CHRNB4: variants seen among roughly 807,000 people sequenced by gnomAD.
CHRNB4 encodes cholinergic receptor nicotinic beta 4 subunit, also known as neuronal acetylcholine receptor subunit beta-4.
Under a neutral mutation model 40.4 loss-of-function variants are expected in CHRNB4, and 23 were observed. That is an observed-to-expected ratio of 0.57 (90% CI 0.41 to 0.81). The LOEUF is 0.81. CHRNB4 is among the 30% of genes least tolerant of loss of function. CHRNB4 has a pLI of 0.00. For missense variants in CHRNB4, 568 were observed against 670.6 expected, an observed-to-expected ratio of 0.85 and a Z score of 1.69; for synonymous variants, 285 against 274.4, an observed-to-expected ratio of 1.04 and a Z score of -0.38.
At chr15:78,627,198 T>C (rs2053677728) in intron 5 of CHRNB4, 2 of 152,168 alleles carry the variant, frequency 1.3e-5, no homozygotes, top group African/African-American at 4.8e-5. Context: ...ACCTAAGTAA[T>C]AGCGTGATCG....
chr15:78,637,422 G>C (rs2053975276), intron 1 of CHRNB4, among the ~76,000 whole-genome samples: 1 of 152,030 alleles, frequency 6.6e-6, no homozygotes, highest in African/African-American at 2.4e-5. Context: ...GAGGAAAAGA[G>C]ATGAGAATGA....
At chr15:78,650,296 G>T (rs78332053) in intron 6 of CHRNB4, among the ~76,000 whole-genome samples, 2,416 of 152,330 alleles carry the variant, frequency 0.016, 62 homozygotes, top group African/African-American at 0.055. Context: ...GATGGAGTTA[G>T]CAGCCTGGGA....
upstream of CHRNB4, chr15:78,661,270 T>C: frequency 1.7e-6 from 1 of 603,270 alleles, no homozygotes; most frequent in Non-Finnish European, 3.2e-6. Flanking sequence ...TGCCCCGCCC[T>C]GAGGATGCGG....
rs576078364 is a variant in CHRNB4 at position 78,640,166 on chromosome 15, C to T, written c.55+913G>A. On this transcript the variant is annotated intron_variant, in intron 1 of 5. Transcript: ENST00000261751. ...TTAGCTCCTTATATATTCCCTGACT[C>T]CTACCTCCTGCCTCCCCTATGGTGG... Among the ~76,000 whole-genome samples the T allele has an allele frequency of 2.0e-5, 3 of 152,332 alleles. No individual in the cohort carries two copies. In the South Asian group the frequency reaches 6.2e-4, roughly 32 times the overall value.
Position 78,635,599 on chromosome 15 carries a change from C to A in CHRNB4, c.56-12G>T. 1 of 1,613,832 alleles carries A rather than the reference C, an allele frequency of 6.2e-7. No individual in the cohort carries two copies. The highest frequency in any genetic ancestry group is 8.5e-7 in the Non-Finnish European group (1 of 1,179,790). ...CACGCGGCAGTTCCCTGAGAAAACA[C>A]ACAGTCAGACCTGCTGGGCCCTTGT... On this transcript the variant is annotated splice_polypyrimidine_tract_variant and intron_variant, in intron 1 of 5. Transcript: ENST00000261751.
chr15:78,635,543 G>A lies in CHRNB4; in HGVS notation c.100C>T (p.Leu34Phe). The A allele has an allele frequency of 6.2e-7, 1 of 1,614,148 alleles. No individual in the cohort carries two copies. Among genetic ancestry groups the A allele is most frequent in the Non-Finnish European group, 8.5e-7 (1 of 1,180,022 alleles). ...TTATTGTAACGGGTTTTGTTCAGAAGGTCGTCCATCAGCTTTTCCTCCGCA... is the reference window on the plus strand; with the variant it reads ...TTATTGTAACGGGTTTTGTTCAGAAAGTCGTCCATCAGCTTTTCCTCCGCA... ...ANAEEKLMDD[L>F]LNKTRYNNLI... is the part of the protein sequence containing the mutation. Residue 34 changes from leucine to phenylalanine, a missense_variant, in exon 2 of 6, where the codon CTT (leucine) becomes TTT (phenylalanine). By Grantham distance (22) the Leu-to-Phe change is conservative. Transcript: ENST00000261751.
intron 1 of CHRNB4, chr15:78,658,442 T>C (rs1356114434): frequency 6.6e-6 from 1 of 152,194 alleles, no homozygotes; most frequent in Non-Finnish European, 1.5e-5. Context: ...GTACTATTTG[T>C]CCCTTTTTAT....
In CHRNB4 at chr15:78,641,085, C is replaced by G. The variant is rs540605951; in HGVS notation, c.49G>C (p.Gly17Arg). 1.1e-5 allele frequency: 18 copies of G among 1,580,358 alleles called. No individual in the cohort carries two copies. Among genetic ancestry groups the G allele is most frequent in the Non-Finnish European group, 1.5e-5 (17 of 1,163,702 alleles). Residue 17 changes from glycine to arginine, a missense_variant, in exon 1 of 6, where the codon GGG (glycine) becomes CGG (arginine). By Grantham distance (125) the Gly-to-Arg change is moderately radical. This residue lies in a region of CHRNB4 where 161 missense variants were observed against 148.1 expected (regional missense o/e 1.09). Coordinates refer to ENST00000261751, the MANE Select transcript of CHRNB4 (RefSeq NM_000750.5). ...LVLFFLVALC[G>R]RGNCRVANAE... ...TTCCCCGAAAAGAACTCACCGCGCC[C>G]GCAAAGGGCGACCAGGAAGAAAAGG...
In CHRNB4 at chr15:78,631,989, T is replaced by C. The variant is rs527375641; in HGVS notation, c.205-657A>G. On this transcript the variant is annotated intron_variant, in intron 2 of 5. Transcript: ENST00000261751. Reference sequence around the variant, plus strand: ...TTCCACTTCCCCTGCACTGCCTCTTTGCTCCTGCACACACTGTTCCCTTTT... The same window carrying C: ...TTCCACTTCCCCTGCACTGCCTCTTCGCTCCTGCACACACTGTTCCCTTTT... 2.3e-3 allele frequency among the ~76,000 whole-genome samples: 344 copies of C among 152,270 alleles called. 4 individuals are homozygous for C. Among genetic ancestry groups the C allele is most frequent in the African/African-American group, 8.0e-3 (332 of 41,544 alleles).
rs770932753 is a variant in CHRNB4, at chr15:78,625,288, C to T, written c.1342G>A (p.Val448Ile). The T allele has an allele frequency of 2.0e-5, 31 of 1,532,988 alleles. No individual in the cohort carries two copies. The highest frequency in any genetic ancestry group is 3.5e-4 in the Middle Eastern group (2 of 5,648). The allele number at this position is 1,532,988 out of a possible 1,614,324, so 95.0% of individuals were successfully genotyped here. A position where few individuals can be genotyped will look rare whatever the true frequency, so the allele number is the denominator to read the frequency against. ...ATAGCCACGTACTTCCAGTCCTCAA[C>T]GACCTGCAGGCAGACAGAGGAGTTG... ...MKNDDEDQSV[V>I]EDWKYVAMVV... is the part of the protein sequence containing the mutation. The change falls in exon 6 of 6, where the codon GTT (valine) becomes ATT (isoleucine). Residue 448 changes from valine (V) to isoleucine (I), a missense_variant. Val to Ile is a conservative substitution (Grantham distance 29). This residue lies in a region of CHRNB4 where 242 missense variants were observed against 274.9 expected (regional missense o/e 0.88). Transcript: ENST00000261751.
chr15:78,631,595 G>A (rs557279968), intron 2 of CHRNB4, among the ~76,000 whole-genome samples: 4 of 152,182 alleles, frequency 2.6e-5, no homozygotes, highest in Non-Finnish European at 5.9e-5. Context: ...CAGAAGCGTG[G>A]ACACTGTCTC....
rs751911981 is a variant in CHRNB4 at position 78,635,590 on chromosome 15, G to A, written c.56-3C>T. On this transcript the variant is annotated splice_region_variant and splice_polypyrimidine_tract_variant and intron_variant, in intron 1 of 5. Coordinates refer to ENST00000261751, the MANE Select transcript of CHRNB4 (RefSeq NM_000750.5). ...CGCATTGGCCACGCGGCAGTTCCCTGAGAAAACACACAGTCAGACCTGCTG... is the reference window on the plus strand; with the variant it reads ...CGCATTGGCCACGCGGCAGTTCCCTAAGAAAACACACAGTCAGACCTGCTG... 6.2e-7 allele frequency: 1 copy of A among 1,614,070 alleles called. No homozygotes were observed. The highest frequency in any genetic ancestry group is 1.1e-5 in the South Asian group (1 of 91,080).
intron 1 of CHRNB4, among the ~76,000 whole-genome samples, chr15:78,659,291 G>A (rs1472027754): frequency 2.0e-5 from 3 of 152,062 alleles, no homozygotes; most frequent in Non-Finnish European, 2.9e-5. Flanking sequence ...AACGCTAGCT[G>A]GGTATGATGG....
chr15:78,641,824 C>T (rs187224631), upstream of CHRNB4, among the ~76,000 whole-genome samples: 1 of 152,332 alleles, frequency 6.6e-6, no homozygotes, highest in East Asian at 1.9e-4. Context: ...CCAATCTGGG[C>T]TGAACAGAGG....
At chr15:78,640,957 G>A (rs1349932728) in intron 1 of CHRNB4, 122 bp downstream of exon 1, 9 of 1,152,072 alleles carry the variant, frequency 7.8e-6, no homozygotes, top group African/African-American at 6.5e-5. Flanking sequence ...CCATCTGGCC[G>A]GGACAATCTC....
chr15:78,650,425 C>T (rs981978408), intron 6 of CHRNB4, among the ~76,000 whole-genome samples: 3 of 152,174 alleles, frequency 2.0e-5, no homozygotes, highest in African/African-American at 7.2e-5. Context: ...AGGGTTTGTC[C>T]TAAGACCTGT....
chr15:78,657,601 T>C (rs962984852), intron 2 of CHRNB4, among the ~76,000 whole-genome samples: 2 of 152,156 alleles, frequency 1.3e-5, no homozygotes, highest in African/African-American at 4.8e-5. Flanking sequence ...TCACCCAGGC[T>C]GGAGTGCAGT....
In CHRNB4 at chr15:78,624,253, T is replaced by C. The variant is rs1426690277; in HGVS notation, c.*880A>G. On this transcript the variant is annotated 3_prime_UTR_variant, in exon 6 of 6. Transcript: ENST00000261751. The stretch of plus-strand genomic sequence containing the variant: ...GTGGGTGAGCTGTGGATGACATACA[T>C]GCCACCAGATAAGAGCGACAGGTAC... 1.3e-5 allele frequency: 2 copies of C among 152,362 alleles called. No homozygotes were observed. Among genetic ancestry groups the C allele is most frequent in the Admixed American group, 6.5e-5 (1 of 15,280 alleles). The allele number at this position is 152,362 out of a possible 1,614,324, so 9.4% of individuals were successfully genotyped here. A position where few individuals can be genotyped will look rare whatever the true frequency, so the allele number is the denominator to read the frequency against.
Position 78,648,495 on chromosome 15 carries a change from C to T in CHRNB4, c.46+884G>A, listed in dbSNP as rs536711143. Among the ~76,000 whole-genome samples, 54 of 151,752 alleles carry T rather than the reference C, an allele frequency of 3.6e-4. 2 individuals are homozygous for T. In the South Asian group the frequency reaches 0.01, roughly 29 times the overall value. On this transcript the variant is annotated intron_variant and NMD_transcript_variant, in intron 7 of 11. Coordinates refer to the CHRNB4 transcript ENST00000559849. ...TGTTGGCTGGGCACAGTGGCTCACA[C>T]CTGTAATCCCAGCACTTTGGGAGGC...
Sources: allele counts gnomAD v4.1 joint callset (sites outside exome capture counted in the v4.1 genomes callset), GRCh38; gene constraint gnomAD v4.1.1; regional missense constraint gnomAD v4.1.1; transcripts MANE v1.5; gene names NCBI Gene and HGNC (gene_info 2026-07-23, HGNC 2026-07-21).